The following PCDHA12 variants were observed in gnomAD, a reference collection of about 807,000 sequenced individuals.
The protein encoded by PCDHA12 is protocadherin alpha 12, also known as protocadherin alpha-12.
In PCDHA12, 44 loss-of-function variants were observed where a neutral mutation model predicts 60.0. That is an observed-to-expected ratio of 0.73 (90% confidence interval 0.58 to 0.94). PCDHA12 has a LOEUF of 0.94. PCDHA12 is among the 40% of genes least tolerant of loss of function. PCDHA12 has a pLI of 0.00. For missense variants in PCDHA12, 1,276 were observed against 1,239.7 expected, an observed-to-expected ratio of 1.03 and a Z score of -0.44; for synonymous variants, 569 against 553.0, an observed-to-expected ratio of 1.03 and a Z score of -0.40.
chr5:140,885,310 G>T (rs1554182115), intron 1 of PCDHA12, among the ~76,000 whole-genome samples: 1 of 152,038 alleles, frequency 6.6e-6, no homozygotes. Context: ...TAGGCTTTTT[G>T]TTATTATTTC....
intron 2 of PCDHA12, among the ~76,000 whole-genome samples, chr5:140,981,149 G>T (rs2096919822): frequency 6.6e-6 from 1 of 152,202 alleles, no homozygotes; most frequent in South Asian, 2.1e-4. Flanking sequence ...AGAAAACATT[G>T]AACTTATATG....
intron 1 of PCDHA12, among the ~76,000 whole-genome samples, chr5:140,960,014 A>G (rs1380089859): frequency 6.6e-6 from 1 of 152,222 alleles, no homozygotes; most frequent in Non-Finnish European, 1.5e-5. Flanking sequence ...ATTTTGCATC[A>G]TGATTTTGTT....
At chr5:140,961,248 G>A (rs144956279) in intron 1 of PCDHA12, among the ~76,000 whole-genome samples, 129 of 152,276 alleles carry the variant, frequency 8.5e-4, no homozygotes, top group African/African-American at 1.8e-3. Flanking sequence ...GAATTTATCC[G>A]AAGCTCCAGG....
chr5:140,920,180 T>C (rs1386784105), intron 1 of PCDHA12, among the ~76,000 whole-genome samples: 1 of 152,198 alleles, frequency 6.6e-6, no homozygotes, highest in Admixed American at 6.5e-5. Context: ...ACCCAGTGTG[T>C]AGTAATTTGT....
At chr5:140,902,709 TC>T (rs1248555909) in intron 1 of PCDHA12, among the ~76,000 whole-genome samples, 11 of 152,060 alleles carry the variant, frequency 7.2e-5, no homozygotes, top group Admixed American at 4.6e-4. Flanking sequence ...TATCTTTCAC[TC>T]CCCTCCCACC....
chr5:140,898,464 T>C (rs2066757130), intron 1 of PCDHA12, among the ~76,000 whole-genome samples: 1 of 152,198 alleles, frequency 6.6e-6, no homozygotes, highest in Admixed American at 6.5e-5. Flanking sequence ...CCCCATTGCT[T>C]GTTTTTCTCA....
chr5:140,926,959 G>C (rs781794027), intron 1 of PCDHA12: 23 of 1,603,904 alleles, frequency 1.4e-5, no homozygotes, highest in Non-Finnish European at 1.9e-5. Context: ...GGGACAGCTC[G>C]AGTACTCAGT....
chr5:140,884,057 G>C lies in PCDHA12; in HGVS notation c.2367+6218G>C, dbSNP rs141156800. On this transcript the variant is annotated intron_variant, in intron 1 of 3. Transcript: ENST00000398631. ...CCACGTGGTGGCGAAGGTGCGCGCG[G>C]TGGACGCCGATTCGGGCTACAATGC... 6.2e-6 allele frequency: 10 copies of C among 1,613,422 alleles called. No homozygotes were observed. In the African/African-American group the frequency reaches 1.3e-4, roughly 22 times the overall value.
chr5:140,987,214 A>G (rs78124050), intron 3 of PCDHA12, among the ~76,000 whole-genome samples: 3 of 131,916 alleles, frequency 2.3e-5, no homozygotes, highest in Admixed American at 2.2e-4. Context: ...ACTCCATCTC[A>G]AAAAAAAAAA....
rs782568724 is a variant in PCDHA12, at chr5:140,927,659, A to C, written c.2367+49820A>C. Reference sequence around the variant, plus strand: ...AATGGGACTGTGTTATTCCGAGTTCAAGCCTTGGATCCAGATGAAGGGTCC... The same window carrying C: ...AATGGGACTGTGTTATTCCGAGTTCCAGCCTTGGATCCAGATGAAGGGTCC... On this transcript the variant is annotated intron_variant, in intron 1 of 3. Coordinates refer to ENST00000398631, the MANE Select transcript of PCDHA12 (RefSeq NM_018903.4). 4 of 1,614,108 alleles carry C rather than the reference A, an allele frequency of 2.5e-6. No homozygotes were observed. In the East Asian group the frequency reaches 6.7e-5, roughly 27 times the overall value.
At chr5:140,884,166 C>A in intron 1 of PCDHA12, 1 of 1,613,430 alleles carries the variant, frequency 6.2e-7, no homozygotes, top group Non-Finnish European at 8.5e-7. Context: ...GAGATCAGCA[C>A]GACGCGCCCT....
At chr5:140,987,395 G>A (rs1438598842) in intron 3 of PCDHA12, among the ~76,000 whole-genome samples, 1 of 152,166 alleles carries the variant, frequency 6.6e-6, no homozygotes, top group East Asian at 1.9e-4. Flanking sequence ...ATGCAAGGAA[G>A]CCATCTGTTT....
At chr5:140,955,590 C>CTT (rs1554221986) in intron 1 of PCDHA12, among the ~76,000 whole-genome samples, 2 of 152,132 alleles carry the variant, frequency 1.3e-5, no homozygotes, top group East Asian at 3.9e-4. Context: ...AAACCTCTTT[C>CTT]TTTTATAAAT....
At chr5:140,956,953 CTG>C (rs1217178036) in intron 1 of PCDHA12, among the ~76,000 whole-genome samples, 2 of 135,202 alleles carry the variant, frequency 1.5e-5, no homozygotes, top group African/African-American at 2.6e-5. Flanking sequence ...CATTAAAACA[CTG>C]TAATTAATCA....
chr5:140,916,840 C>G (rs1350788875), intron 1 of PCDHA12, among the ~76,000 whole-genome samples: 1 of 152,128 alleles, frequency 6.6e-6, no homozygotes, highest in African/African-American at 2.4e-5. Context: ...TGGTTCTGAG[C>G]CCAGCCCAGC....
At chr5:140,975,084 T>C (rs1353727401) in intron 1 of PCDHA12, among the ~76,000 whole-genome samples, 1 of 152,140 alleles carries the variant, frequency 6.6e-6, no homozygotes, top group African/African-American at 2.4e-5. Context: ...GTTGGCAGAA[T>C]CCAGTTGTTT....
In PCDHA12 at chr5:141,010,432, C is replaced by T; in HGVS notation, c.*495C>T. On this transcript the variant is annotated 3_prime_UTR_variant, in exon 4 of 4. Coordinates refer to ENST00000398631, the MANE Select transcript of PCDHA12 (RefSeq NM_018903.4). The stretch of plus-strand genomic sequence containing the variant: ...AATTGGTACAAGGAAGGCAAGAAAA[C>T]AAAGACAAATAAACAGCGGAAGTTA... 1 of 1,056,970 alleles carries T rather than the reference C, an allele frequency of 9.5e-7. No individual in the cohort carries two copies. The highest frequency in any genetic ancestry group is 1.3e-6 in the Non-Finnish European group (1 of 756,282). 65.5% of individuals were successfully genotyped at this position (1,056,970 alleles called of 1,614,324 possible).
At chr5:140,884,487 T>G (rs374963144) in intron 1 of PCDHA12, 3 of 1,613,832 alleles carry the variant, frequency 1.9e-6, no homozygotes, top group Non-Finnish European at 1.7e-6. Flanking sequence ...CCCACTCTAG[T>G]GTGCTCCAGC....
intron 1 of PCDHA12, among the ~76,000 whole-genome samples, chr5:140,952,645 G>A (rs1396823510): frequency 6.6e-6 from 1 of 152,082 alleles, no homozygotes; most frequent in Non-Finnish European, 1.5e-5. Context: ...ACCTGTGCCT[G>A]GTTACCCAGT....
Sources: allele counts gnomAD v4.1 joint callset (sites outside exome capture counted in the v4.1 genomes callset), GRCh38; gene constraint gnomAD v4.1.1; transcripts MANE v1.5; gene names NCBI Gene and HGNC (gene_info 2026-07-23, HGNC 2026-07-21).